The following WDR27 variants were observed in gnomAD, a reference collection of about 807,000 sequenced individuals.
WDR27 encodes WD repeat-containing protein 27.
Under a neutral mutation model 114.4 loss-of-function variants are expected in WDR27, and 100 were observed. The observed-to-expected ratio is 0.87, with a 90% CI of 0.74 to 1.03. The LOEUF is 1.03. Among genes scored for constraint, WDR27 ranks in the 50% least tolerant of loss-of-function variants. The pLI is 0.00. For missense variants in WDR27, 1,129 were observed against 1,092.9 expected (o/e 1.03, Z -0.47); for synonymous variants, 449 against 423.1 (o/e 1.06, Z -0.75).
chr6:169,591,351 A>G (rs1238689703), intron 23 of WDR27, among the ~76,000 whole-genome samples: 2 of 152,170 alleles, frequency 1.3e-5, no homozygotes, highest in African/African-American at 4.8e-5. Context: ...GCCTAAGTCA[A>G]TTACTCCATC....
At chr6:169,692,551 C>T (rs1784790967) in intron 1 of WDR27, among the ~76,000 whole-genome samples, 1 of 152,160 alleles carries the variant, frequency 6.6e-6, no homozygotes, top group Admixed American at 6.6e-5. Flanking sequence ...GGCTGAGTCC[C>T]ACACACAGGC....
At chr6:169,567,241 G>A (rs16888151) in intron 25 of WDR27, among the ~76,000 whole-genome samples, 5,238 of 152,278 alleles carry the variant, frequency 0.034, 227 homozygotes, top group African/African-American at 0.1. Context: ...GGCTTTGTCC[G>A]TGATAAACAC....
intron 21 of WDR27, among the ~76,000 whole-genome samples, chr6:169,632,672 C>A (rs1293798323): frequency 6.6e-6 from 1 of 152,164 alleles, no homozygotes; most frequent in African/African-American, 2.4e-5. Context: ...CATATACAAC[C>A]TTATCAAGTT....
chr6:169,688,776 G>A, intron 2 of WDR27, 41 bp downstream of exon 2: 2 of 1,505,564 alleles, frequency 1.3e-6, no homozygotes, highest in Non-Finnish European at 1.8e-6. Flanking sequence ...AGAGACAAGG[G>A]CAAGGCCTTC....
chr6:169,510,310 T>C (rs1281708295), intron 25 of WDR27, among the ~76,000 whole-genome samples: 1 of 152,200 alleles, frequency 6.6e-6, no homozygotes, highest in Non-Finnish European at 1.5e-5. Context: ...TAAATCATGC[T>C]GCTCTAAAGA....
intron 25 of WDR27, among the ~76,000 whole-genome samples, chr6:169,462,460 G>C (rs1197077469): frequency 6.6e-6 from 1 of 151,988 alleles, no homozygotes; most frequent in Non-Finnish European, 1.5e-5. Flanking sequence ...GAGACAGAGA[G>C]AGGGAGGGAG....
chr6:169,640,920 G>A (rs781211462), intron 17 of WDR27, among the ~76,000 whole-genome samples: 2 of 152,160 alleles, frequency 1.3e-5, no homozygotes, highest in Non-Finnish European at 2.9e-5. Flanking sequence ...TGTTTTCTAC[G>A]TGAGGCCACA....
At chr6:169,426,971 A>AGGGGGGGGGGG in the WDR27 span, 1 of 136,798 alleles carries the variant, frequency 7.3e-6, no homozygotes. Flanking sequence ...TGGTGGGGGC[A>AGGGGGGGGGGG]GTGGGGGGGG....
intron 25 of WDR27, among the ~76,000 whole-genome samples, chr6:169,471,957 C>G (rs1786466021): frequency 6.6e-6 from 1 of 152,118 alleles, no homozygotes; most frequent in Non-Finnish European, 1.5e-5. Context: ...TCCAACCTCA[C>G]TTAGAAGGTG....
chr6:169,489,279 C>G (rs1350258005), intron 25 of WDR27, among the ~76,000 whole-genome samples: 1 of 152,186 alleles, frequency 6.6e-6, no homozygotes, highest in Non-Finnish European at 1.5e-5. Context: ...GTGTCTCAAG[C>G]AAGTACTTTT....
chr6:169,505,678 T>C (rs915547767), intron 25 of WDR27, among the ~76,000 whole-genome samples: 9 of 152,200 alleles, frequency 5.9e-5, no homozygotes, highest in African/African-American at 2.2e-4. Flanking sequence ...CAAACAATCC[T>C]CAACTGCGTA....
intron 19 of WDR27, 41 bp downstream of exon 19, chr6:169,636,330 C>A (rs1360806688): frequency 1.3e-6 from 2 of 1,598,058 alleles, no homozygotes; most frequent in Admixed American, 1.8e-5. Flanking sequence ...GAAACAGCTT[C>A]CTGTGATCTA....
Position 169,659,097 on chromosome 6 carries a change from C to G in WDR27, c.1308G>C (p.Ser436=). 1.9e-6 allele frequency: 3 copies of G among 1,558,842 alleles called. No homozygotes were observed. Among genetic ancestry groups the G allele is most frequent in the East Asian group, 4.5e-5 (2 of 44,250 alleles). ...TGAAGACACTCTACCTGGCTGGCACCGAGAGGCTCTGCCCCATGCTGGGGC... is the reference window on the plus strand; with the variant it reads ...TGAAGACACTCTACCTGGCTGGCACGGAGAGGCTCTGCCCCATGCTGGGGC... ...QQCPSMGQSL[S]VPASSCVLPT... The change falls in exon 12 of 26, where the codon TCG becomes TCC. Residue 436 remains serine (S), a synonymous_variant. Transcript: ENST00000448612. The surrounding 1 kb of genome is among the most constrained non-coding windows in gnomAD (Gnocchi z 4.3).
chr6:169,436,075 G>A, the WDR27 span, among the ~76,000 whole-genome samples: 1 of 152,072 alleles, frequency 6.6e-6, no homozygotes, highest in Non-Finnish European at 1.5e-5. Context: ...TGTATGTTAT[G>A]TTATATGTAT....
intron 21 of WDR27, among the ~76,000 whole-genome samples, chr6:169,621,631 C>A (rs1306058090): frequency 6.6e-6 from 1 of 151,488 alleles, no homozygotes. Flanking sequence ...TATACATACC[C>A]ACACATGCAT....
At chr6:169,435,848 G>A in the WDR27 span, among the ~76,000 whole-genome samples, 1 of 152,178 alleles carries the variant, frequency 6.6e-6, no homozygotes, top group South Asian at 2.1e-4. Flanking sequence ...GATTGGTTTT[G>A]AAATGTGAGG....
chr6:169,637,710 C>A (rs576188249), intron 18 of WDR27, among the ~76,000 whole-genome samples: 1 of 150,460 alleles, frequency 6.6e-6, no homozygotes, highest in East Asian at 2.0e-4. Flanking sequence ...CATCCATATG[C>A]GTGTGTGCCT....
chr6:169,544,339 TA>T (rs35741048), intron 25 of WDR27, among the ~76,000 whole-genome samples: 4 of 150,066 alleles, frequency 2.7e-5, no homozygotes, highest in East Asian at 1.9e-4. Flanking sequence ...AGAAATTTAT[TA>T]AAAAAAAACT....
At chr6:169,511,149 A>T (rs73789987) in intron 25 of WDR27, among the ~76,000 whole-genome samples, 2,712 of 152,302 alleles carry the variant, frequency 0.018, 70 homozygotes, top group African/African-American at 0.057. Flanking sequence ...AAACAAAGGC[A>T]ATTTCCACAT....
Sources: gnomAD v4.1 joint callset for allele counts (sites outside exome capture counted in the v4.1 genomes callset) on GRCh38, gnomAD v4.1.1 for gene constraint, Gnocchi (gnomAD v3.1) non-coding constraint, MANE v1.5 for transcripts, NCBI Gene and HGNC (gene_info 2026-07-23, HGNC 2026-07-21) for gene names.